The following DISC1 variants were observed in gnomAD, a reference collection of about 807,000 sequenced individuals.
DISC1 encodes the protein disrupted in schizophrenia 1 protein.
DISC1 carries 57 observed loss-of-function variants against 84.5 expected under a neutral mutation model. The ratio of observed to expected loss-of-function variants is 0.67; its 90% confidence interval spans 0.55 to 0.84. DISC1 has a LOEUF of 0.84. DISC1 is among the 40% of genes least tolerant of loss of function. The probability of loss-of-function intolerance (pLI) is 0.00; values close to 1 mark genes in which losing one functional copy is unlikely to be tolerated. For synonymous variants in DISC1, 411 were observed against 415.2 expected (o/e 0.99, Z 0.12); for missense variants, 1,000 against 1,057.8 (o/e 0.95, Z 0.76).
At chr1:231,888,738 C>CAAA (rs34003319) in intron 9 of DISC1, among the ~76,000 whole-genome samples, 10 of 54,022 alleles carry the variant, frequency 1.9e-4, no homozygotes, top group African/African-American at 7.4e-4. Context: ...GCTCTGTCTC[C>CAAA]AAAAAAAAAA....
At chr1:231,639,150 C>G (rs145111556) in intron 1 of DISC1, among the ~76,000 whole-genome samples, 1 of 152,102 alleles carries the variant, frequency 6.6e-6, no homozygotes, top group African/African-American at 2.4e-5. Context: ...AAGAGGAGCA[C>G]AAGGCACTTG....
chr1:231,784,665 C>G (rs2077694360), intron 6 of DISC1, among the ~76,000 whole-genome samples: 1 of 152,204 alleles, frequency 6.6e-6, no homozygotes, highest in Non-Finnish European at 1.5e-5. Flanking sequence ...TCTTTCTATA[C>G]TTTATTCCTC....
intron 4 of DISC1, among the ~76,000 whole-genome samples, chr1:231,753,224 A>G (rs549643576): frequency 2.6e-5 from 4 of 152,202 alleles, no homozygotes; most frequent in Non-Finnish European, 5.9e-5. Flanking sequence ...GTGGTTCTCC[A>G]TGAGGGGTCC....
intron 3 of DISC1, among the ~76,000 whole-genome samples, chr1:231,727,618 A>T (rs2070914585): frequency 6.6e-6 from 1 of 152,042 alleles, no homozygotes; most frequent in Non-Finnish European, 1.5e-5. Flanking sequence ...AAGCAATTAA[A>T]CCCATGACAG....
intron 3 of DISC1, 23 bp from the exon 4 acceptor site, chr1:231,749,903 C>T (rs779637559): frequency 1.2e-6 from 2 of 1,614,028 alleles, no homozygotes; most frequent in South Asian, 1.1e-5. Flanking sequence ...TTTTTCCTCT[C>T]TCTCATCATT....
intron 9 of DISC1, among the ~76,000 whole-genome samples, chr1:231,942,601 G>A (rs1023558423): frequency 6.6e-6 from 1 of 152,096 alleles, no homozygotes. Flanking sequence ...GGAGGCAGAG[G>A]TTGCAGCGAG....
intron 9 of DISC1, among the ~76,000 whole-genome samples, chr1:231,864,061 C>T (rs2084874472): frequency 6.6e-6 from 1 of 152,070 alleles, no homozygotes; most frequent in Admixed American, 6.5e-5. Context: ...AATCCTTTTG[C>T]AGAGTATAGC....
intron 8 of DISC1, among the ~76,000 whole-genome samples, chr1:231,815,881 T>C (rs1157170800): frequency 6.6e-6 from 1 of 152,226 alleles, no homozygotes; most frequent in Admixed American, 6.5e-5. Context: ...GATATTTAGG[T>C]TGCTTCCAGT....
intron 9 of DISC1, among the ~76,000 whole-genome samples, chr1:231,857,331 TTGACA>T (rs1378744887): frequency 5.3e-5 from 8 of 152,368 alleles, no homozygotes; most frequent in African/African-American, 1.9e-4. Context: ...AAGTCATGTG[TTGACA>T]TGGATAGCCT....
intron 1 of DISC1, among the ~76,000 whole-genome samples, chr1:231,687,169 C>T (rs755699008): frequency 6.6e-6 from 1 of 152,186 alleles, no homozygotes; most frequent in Non-Finnish European, 1.5e-5. Context: ...TTACCCAGTT[C>T]CAAAGTTGCT....
At chr1:231,785,483 G>A (rs12097354) in intron 6 of DISC1, among the ~76,000 whole-genome samples, 1,836 of 151,510 alleles carry the variant, frequency 0.012, 40 homozygotes, top group African/African-American at 0.04. Context: ...TGGTAGAGAC[G>A]GGTTTTCACC....
At chr1:231,976,760 T>C (rs1374028090) in intron 10 of DISC1, among the ~76,000 whole-genome samples, 1 of 152,342 alleles carries the variant, frequency 6.6e-6, no homozygotes, top group Non-Finnish European at 1.5e-5. Context: ...TTAATACTTA[T>C]GGCACAAATA....
chr1:231,913,942 A>C (rs2089438975), intron 9 of DISC1, among the ~76,000 whole-genome samples: 1 of 152,160 alleles, frequency 6.6e-6, no homozygotes, highest in Admixed American at 6.5e-5. Flanking sequence ...GAGATCCTGC[A>C]TCAGTTAGGA....
At chr1:231,661,314 T>A (rs1440416352) in intron 1 of DISC1, among the ~76,000 whole-genome samples, 4 of 152,210 alleles carry the variant, frequency 2.6e-5, no homozygotes, top group Admixed American at 2.0e-4. Flanking sequence ...TGAGTTCTCT[T>A]GAATGATATC....
intron 3 of DISC1, among the ~76,000 whole-genome samples, chr1:231,749,698 AC>A (rs1012232517): frequency 2.0e-5 from 3 of 152,178 alleles, no homozygotes; most frequent in Admixed American, 1.3e-4. Context: ...GTCAACAATG[AC>A]CTTTGAGAGT....
intron 11 of DISC1, among the ~76,000 whole-genome samples, chr1:232,014,295 T>A (rs764108021): frequency 2.6e-5 from 4 of 152,170 alleles, no homozygotes; most frequent in Non-Finnish European, 4.4e-5. Context: ...AAGGAGCACA[T>A]CCCTAAATGT....
At chr1:231,694,948 G>C (rs200550922) in intron 2 of DISC1, 143 bp downstream of exon 2, 3 of 1,190,676 alleles carry the variant, frequency 2.5e-6, no homozygotes, top group Non-Finnish European at 3.6e-6. Context: ...CGGCTGCACA[G>C]GATGTTGCTG....
intron 3 of DISC1, among the ~76,000 whole-genome samples, chr1:231,717,106 G>A (rs2068848332): frequency 6.6e-6 from 1 of 152,140 alleles, no homozygotes; most frequent in African/African-American, 2.4e-5. Flanking sequence ...CTATTCCTAA[G>A]TCAATGAGGG....
chr1:231,987,282 CT>C (rs1280908508), intron 10 of DISC1, among the ~76,000 whole-genome samples: 1 of 141,068 alleles, frequency 7.1e-6, no homozygotes, highest in Non-Finnish European at 1.6e-5. Flanking sequence ...CTACCTGCCC[CT>C]GAAAGATTTT....
Sources: allele counts gnomAD v4.1 joint callset (sites outside exome capture counted in the v4.1 genomes callset), GRCh38; gene constraint gnomAD v4.1.1; transcripts MANE v1.5; gene names NCBI Gene and HGNC (gene_info 2026-07-23, HGNC 2026-07-21).